Variants in LARP4 observed in about 807,000 individuals in gnomAD.
The protein encoded by LARP4 is La ribonucleoprotein 4.
A neutral mutation model predicts 92.9 loss-of-function variants in LARP4; 29 were observed. The observed-to-expected ratio is 0.31, with a 90% CI of 0.23 to 0.43. The LOEUF is 0.43. Among genes scored for constraint, LARP4 ranks in the 20% least tolerant of loss-of-function variants. The probability of loss-of-function intolerance (pLI) is 1.00; values close to 1 mark genes in which losing one functional copy is unlikely to be tolerated. For missense variants in LARP4, 732 were observed against 860.0 expected (o/e 0.85, Z 1.86); for synonymous variants, 279 against 284.1 (o/e 0.98, Z 0.18).
chr12:50,421,002 T>A (rs1947674514), intron 1 of LARP4: 1 of 133,628 alleles, frequency 7.5e-6, no homozygotes, highest in Non-Finnish European at 1.5e-5. Flanking sequence ...CAGGCTGGAG[T>A]GCAGTGGCGC....
At chr12:50,450,641 G>C (rs1207112231) in intron 8 of LARP4, among the ~76,000 whole-genome samples, 1 of 152,086 alleles carries the variant, frequency 6.6e-6, no homozygotes, top group Non-Finnish European at 1.5e-5. Flanking sequence ...TGGGATTACA[G>C]GTGTGCACCA....
At chr12:50,406,206 A>C (rs979311659) in intron 1 of LARP4, among the ~76,000 whole-genome samples, 1 of 152,192 alleles carries the variant, frequency 6.6e-6, no homozygotes, top group Non-Finnish European at 1.5e-5. Flanking sequence ...AACGTGTCTC[A>C]TGCCTGTAAT....
intron 8 of LARP4, among the ~76,000 whole-genome samples, chr12:50,450,476 T>C (rs1227015382): frequency 1.3e-5 from 2 of 152,194 alleles, no homozygotes; most frequent in Non-Finnish European, 1.5e-5. Context: ...GACAAAAATG[T>C]AGGTTTGTAC....
intron 4 of LARP4, among the ~76,000 whole-genome samples, chr12:50,433,978 C>T (rs1950058837): frequency 6.6e-6 from 1 of 152,148 alleles, no homozygotes; most frequent in African/African-American, 2.4e-5. Context: ...GCCTTTGAGC[C>T]TGCTCCTTGC....
chr12:50,445,288 C>T (rs1171433821), intron 8 of LARP4, among the ~76,000 whole-genome samples: 1 of 152,164 alleles, frequency 6.6e-6, no homozygotes, highest in Non-Finnish European at 1.5e-5. Context: ...CCATTCTGGA[C>T]TCTTGTTTCT....
intron 13 of LARP4, among the ~76,000 whole-genome samples, chr12:50,467,893 A>G (rs965736097): frequency 6.6e-6 from 1 of 151,796 alleles, no homozygotes; most frequent in Admixed American, 6.6e-5. Context: ...TGTCTATAGT[A>G]TATCTAGGCT....
intron 1 of LARP4, among the ~76,000 whole-genome samples, chr12:50,403,160 A>G (rs1944188114): frequency 6.6e-6 from 1 of 152,204 alleles, no homozygotes; most frequent in Non-Finnish European, 1.5e-5. Flanking sequence ...TAGAACATAA[A>G]TTTCTGGCTT....
chr12:50,411,266 ACCTCTGCCTCCCTGGTTCAAGTGACTCT>A (rs1231196256), intron 1 of LARP4, among the ~76,000 whole-genome samples: 3 of 151,254 alleles, frequency 2.0e-5, no homozygotes, highest in Non-Finnish European at 3.0e-5. Flanking sequence ...GCTCACTGCA[ACCTCTGCCTCCCTGGTTCAAGTGACTCT>A]CCTCTGCCTC....
At position 50,411,636 on chromosome 12, in the gene LARP4, C is replaced by A. The variant is rs148297113; in HGVS notation, c.18+10608C>A. On this transcript the variant is annotated intron_variant, in intron 1 of 15. Transcript: ENST00000398473. Reference sequence around the variant, plus strand: ...GAACCACTGAGCCCAGCCTAGGGACCCTAGTTGTAATCTGGCGGCTATTTT... The same window carrying A: ...GAACCACTGAGCCCAGCCTAGGGACACTAGTTGTAATCTGGCGGCTATTTT... Among the ~76,000 whole-genome samples, 49 of 151,414 alleles carry A rather than the reference C, an allele frequency of 3.2e-4. 1 individual carries two copies. The highest frequency in any genetic ancestry group is 1.4e-3 in the Admixed American group (21 of 15,156).
chr12:50,451,158 C>A (rs545404988), intron 8 of LARP4, among the ~76,000 whole-genome samples: 3 of 152,256 alleles, frequency 2.0e-5, no homozygotes, highest in African/African-American at 7.2e-5. Flanking sequence ...CATCACCCTG[C>A]TCTCCAGAAC....
chr12:50,437,971 T>C, intron 6 of LARP4, 133 bp downstream of exon 6: 1 of 551,590 alleles, frequency 1.8e-6, no homozygotes, highest in South Asian at 2.7e-5. Context: ...CTTCATCAGT[T>C]ACTGTGAAAA....
chr12:50,470,421 TTC>T (rs1392046283), intron 13 of LARP4, among the ~76,000 whole-genome samples: 1 of 150,790 alleles, frequency 6.6e-6, no homozygotes, highest in African/African-American at 2.4e-5. Context: ...CATATATACT[TTC>T]TTTCTTTCTT....
At position 50,475,592 on chromosome 12, in the gene LARP4, G is replaced by T. The variant is rs1290842781; in HGVS notation, c.1903G>T (p.Val635Leu). 1.2e-6 allele frequency: 2 copies of T among 1,613,944 alleles called. No individual in the cohort carries two copies. The highest frequency in any genetic ancestry group is 2.7e-5 in the African/African-American group (2 of 74,866). ...KPPKEPSSVL[V>L]QPLRELRSNV... ...CCCTAAAGAGCCATCTTCAGTTCTT[G>T]TGCAGCCACTACGGGAACTTCGCTC... The change falls in exon 16 of 16, where the codon GTG becomes TTG. Residue 635 changes from valine (V) to leucine (L), a missense_variant. This residue lies in a region of LARP4 where 115 missense variants were observed against 129.1 expected (regional missense o/e 0.89). Coordinates refer to ENST00000398473, the MANE Select transcript of LARP4 (RefSeq NM_052879.5).
chr12:50,471,071 T>G (rs1343124963), intron 13 of LARP4, among the ~76,000 whole-genome samples: 2 of 152,088 alleles, frequency 1.3e-5, no homozygotes, highest in Non-Finnish European at 2.9e-5. Flanking sequence ...GGAGGATCAC[T>G]TGAGGCCAAG....
intron 1 of LARP4, chr12:50,415,613 A>G (rs1194552113): frequency 6.6e-6 from 1 of 151,138 alleles, no homozygotes; most frequent in African/African-American, 2.4e-5. Context: ...ATATGTCTAC[A>G]TTTGCAAAAT....
intron 13 of LARP4, 101 bp downstream of exon 13, chr12:50,467,221 AT>A: frequency 1.2e-6 from 1 of 862,310 alleles, no homozygotes; most frequent in East Asian, 2.6e-5. Context: ...GTACATTTCT[AT>A]CATAGTTTTT....
intron 6 of LARP4, 120 bp from the exon 7 acceptor site, chr12:50,440,319 A>G: frequency 1.5e-6 from 1 of 684,258 alleles, no homozygotes; most frequent in Non-Finnish European, 2.6e-6. Context: ...GCAAAAGTTA[A>G]GTGAAGTGAT....
rs765009998 is a variant in LARP4 at position 50,437,719 on chromosome 12, T to G, written c.536-16T>G. The G allele has an allele frequency of 1.2e-5, 18 of 1,473,150 alleles. No individual in the cohort carries two copies. Among genetic ancestry groups the G allele is most frequent in the Non-Finnish European group, 1.5e-5 (16 of 1,056,680 alleles). The allele number at this position is 1,473,150 out of a possible 1,614,324, so 91.3% of individuals were successfully genotyped here. A position where few individuals can be genotyped will look rare whatever the true frequency, so the allele number is the denominator to read the frequency against. ...ACTTGTCACGTTTGAGTGATACCCT[T>G]TCTTTTAAATTTCAGCTTCTCCCAT... On this transcript the variant is annotated splice_polypyrimidine_tract_variant and intron_variant, in intron 5 of 15. Coordinates refer to ENST00000398473, the MANE Select transcript of LARP4 (RefSeq NM_052879.5).
At chr12:50,404,214 G>T (rs900853490) in intron 1 of LARP4, among the ~76,000 whole-genome samples, 2 of 152,076 alleles carry the variant, frequency 1.3e-5, no homozygotes, top group Non-Finnish European at 2.9e-5. Flanking sequence ...ACAACAGAGT[G>T]AGACTCTGTC....
Sources: allele counts gnomAD v4.1 joint callset (sites outside exome capture counted in the v4.1 genomes callset), GRCh38; gene constraint gnomAD v4.1.1; regional missense constraint gnomAD v4.1.1; transcripts MANE v1.5; gene names NCBI Gene and HGNC (gene_info 2026-07-23, HGNC 2026-07-21).